The following PPP4R3B variants were observed in gnomAD, a reference collection of about 807,000 sequenced individuals.
PPP4R3B encodes the protein protein phosphatase 4 regulatory subunit 3B, also known as serine/threonine-protein phosphatase 4 regulatory subunit 3B.
PPP4R3B carries 52 observed loss-of-function variants against 95.4 expected under a neutral mutation model. That is an observed-to-expected ratio of 0.54 (90% CI 0.44 to 0.69). The LOEUF (loss-of-function observed/expected upper bound fraction) is 0.69. PPP4R3B is among the 30% of genes least tolerant of loss of function. The pLI is 0.00. For missense variants in PPP4R3B, 1,003 were observed against 1,005.9 expected (o/e 1.00, Z 0.04); for synonymous variants, 407 against 343.9 (o/e 1.18, Z -2.03).
In PPP4R3B at chr2:55,579,666, A is replaced by G. The variant is rs766480316; in HGVS notation, c.1468+13T>C. 2.0e-6 allele frequency: 3 copies of G among 1,521,920 alleles called. No individual in the cohort carries two copies. The highest frequency in any genetic ancestry group is 1.8e-6 in the Non-Finnish European group (2 of 1,132,960). The allele number at this position is 1,521,920 out of a possible 1,614,324, so 94.3% of individuals were successfully genotyped here. On this transcript the variant is annotated intron_variant, in intron 9 of 16. Transcript: ENST00000616407. ...AAAACAGAAATCACAGCAGATAAAT[A>G]AAGAGACCCTACCCTTTTCACATTT...
At chr2:55,578,889 C>T (rs1040349502) in intron 9 of PPP4R3B, among the ~76,000 whole-genome samples, 6 of 152,008 alleles carry the variant, frequency 3.9e-5, no homozygotes, top group Non-Finnish European at 7.4e-5. Flanking sequence ...TTAAGTTGTA[C>T]GCTTTTCAAA....
chr2:55,598,609 G>C lies in PPP4R3B; in HGVS notation c.728C>G (p.Thr243Ser). 4 of 1,614,100 alleles carry C rather than the reference G, an allele frequency of 2.5e-6. No homozygotes were observed. The highest frequency in any genetic ancestry group is 1.1e-5 in the South Asian group (1 of 91,080). Residue 243 changes from threonine (T) to serine (S), a missense_variant, in exon 4 of 17, where the codon ACC becomes AGC. Physicochemically the swap from Thr to Ser is moderately conservative, Grantham distance 58. Transcript: ENST00000616407. Reference sequence around the variant, plus strand: ...AACTTCCTTGAACTTTGCAGTTTTGGTCAAGAATTCTCTATGTCTTTTTGG... The same window carrying C: ...AACTTCCTTGAACTTTGCAGTTTTGCTCAAGAATTCTCTATGTCTTTTTGG... ...AQPKRHREFL[T>S]KTAKFKEVIP...
chr2:55,588,818 T>C (rs1011603828), intron 5 of PPP4R3B, 61 bp downstream of exon 5: 9 of 1,118,864 alleles, frequency 8.0e-6, no homozygotes, highest in East Asian at 4.9e-5. Context: ...AAATTCAAGA[T>C]TAAAAGCTGT....
chr2:55,566,841 TA>T (rs1261134792), intron 13 of PPP4R3B, among the ~76,000 whole-genome samples: 3 of 151,200 alleles, frequency 2.0e-5, no homozygotes, highest in Middle Eastern at 3.2e-3. Context: ...ACCCCATACA[TA>T]AAAAAAAATT....
In PPP4R3B at chr2:55,548,964, T is replaced by A. The variant is rs1480907648; in HGVS notation, c.*947A>T. 6 of 152,728 alleles carry A rather than the reference T, an allele frequency of 3.9e-5. No homozygotes were observed. The highest frequency in any genetic ancestry group is 8.8e-5 in the Non-Finnish European group (6 of 68,024). 9.5% of individuals were successfully genotyped at this position (152,728 alleles called of 1,614,324 possible). On this transcript the variant is annotated 3_prime_UTR_variant, in exon 17 of 17. Transcript: ENST00000616407. ...TGCTGACTTTGACACTTAAGTAGCTTCTTGGATCAAAATGGCTTCTAGATA... is the reference window on the plus strand; with the variant it reads ...TGCTGACTTTGACACTTAAGTAGCTACTTGGATCAAAATGGCTTCTAGATA...
intron 13 of PPP4R3B, among the ~76,000 whole-genome samples, chr2:55,566,422 C>A (rs1280828752): frequency 6.6e-6 from 1 of 152,032 alleles, no homozygotes; most frequent in Non-Finnish European, 1.5e-5. Context: ...CTGTATCTCA[C>A]CAAAATTTTA....
Position 55,594,307 on chromosome 2 carries a change from A to T in PPP4R3B, c.921+4109T>A, listed in dbSNP as rs866822999. ...TGTGCCCTCTGAATCTAAAATAAAA[A>T]AAAAAAAAAAAAAATTCAACATCAT... On this transcript the variant is annotated intron_variant, in intron 4 of 16. Transcript: ENST00000616407. Among the ~76,000 whole-genome samples, 179 of 152,126 alleles carry T rather than the reference A, an allele frequency of 1.2e-3. 2 individuals carry two copies. The Middle Eastern group carries it at 0.024, about 20-fold the overall frequency.
At chr2:55,567,378 T>C (rs1378287545) in intron 13 of PPP4R3B, among the ~76,000 whole-genome samples, 1 of 152,186 alleles carries the variant, frequency 6.6e-6, no homozygotes, top group Non-Finnish European at 1.5e-5. Flanking sequence ...ATTCTAGGAT[T>C]CCATCCTACC....
chr2:55,589,990 T>A (rs1049886374), intron 4 of PPP4R3B, among the ~76,000 whole-genome samples: 2 of 144,030 alleles, frequency 1.4e-5, no homozygotes, highest in African/African-American at 5.1e-5. Context: ...TTTAATATAT[T>A]ATATATATAT....
intron 12 of PPP4R3B, among the ~76,000 whole-genome samples, chr2:55,570,047 C>T (rs2028683): frequency 0.011 from 1,749 of 152,148 alleles, 35 homozygotes; most frequent in African/African-American, 0.04. Flanking sequence ...ATCAGGAGAT[C>T]GAGACAAGCC....
intron 12 of PPP4R3B, among the ~76,000 whole-genome samples, chr2:55,572,355 A>C (rs1688119071): frequency 6.6e-6 from 1 of 152,214 alleles, no homozygotes. Context: ...AAGACAATGA[A>C]GATGGACATT....
intron 7 of PPP4R3B, among the ~76,000 whole-genome samples, 164 bp downstream of exon 7, chr2:55,584,887 T>A (rs1251712516): frequency 2.0e-5 from 3 of 152,154 alleles, no homozygotes; most frequent in Non-Finnish European, 4.4e-5. Flanking sequence ...ATAAACAAAA[T>A]CAGTCGCCAC....
At chr2:55,558,151 A>G (rs1318288203) in intron 16 of PPP4R3B, among the ~76,000 whole-genome samples, 2 of 152,184 alleles carry the variant, frequency 1.3e-5, no homozygotes, top group Non-Finnish European at 2.9e-5. Context: ...AGTTTATGGT[A>G]ACATAAACTG....
At chr2:55,589,080 T>C (rs1249500824) in intron 4 of PPP4R3B, 124 bp from the exon 5 acceptor site, 5 of 613,894 alleles carry the variant, frequency 8.1e-6, no homozygotes, top group African/African-American at 1.8e-5. Context: ...AACCTAATAT[T>C]CTGGGGTGTA....
At chr2:55,557,370 T>C (rs931133178) in intron 16 of PPP4R3B, among the ~76,000 whole-genome samples, 2 of 152,112 alleles carry the variant, frequency 1.3e-5, no homozygotes, top group African/African-American at 4.8e-5. Context: ...TTTTAATACT[T>C]TTTGTAGAGA....
intron 16 of PPP4R3B, among the ~76,000 whole-genome samples, chr2:55,554,934 G>C (rs1163264019): frequency 6.6e-6 from 1 of 152,046 alleles, no homozygotes; most frequent in Non-Finnish European, 1.5e-5. Flanking sequence ...ATGTGAGATA[G>C]GGATCTAACT....
At chr2:55,571,866 G>A (rs542234088) in intron 12 of PPP4R3B, among the ~76,000 whole-genome samples, 6 of 152,272 alleles carry the variant, frequency 3.9e-5, no homozygotes, top group African/African-American at 1.2e-4. Context: ...TGATCCACCC[G>A]CCTTGGCCTC....
chr2:55,613,086 A>C (rs189290331), intron 2 of PPP4R3B, among the ~76,000 whole-genome samples: 41 of 152,260 alleles, frequency 2.7e-4, no homozygotes, highest in Non-Finnish European at 5.9e-4. Flanking sequence ...ACTCCAGCCT[A>C]AGGGACAGAA....
intron 8 of PPP4R3B, among the ~76,000 whole-genome samples, chr2:55,580,485 A>G (rs1427218561): frequency 6.6e-6 from 1 of 152,214 alleles, no homozygotes; most frequent in African/African-American, 2.4e-5. Flanking sequence ...AAATGTTTAG[A>G]AAGAAAAAGA....
Sources: gnomAD v4.1 joint callset for allele counts (sites outside exome capture counted in the v4.1 genomes callset) on GRCh38, gnomAD v4.1.1 for gene constraint, MANE v1.5 for transcripts, NCBI Gene and HGNC (gene_info 2026-07-23, HGNC 2026-07-21) for gene names.